The following MTUS2 variants were observed in gnomAD, a reference collection of about 807,000 sequenced individuals.
The protein encoded by MTUS2 is microtubule associated scaffold protein 2.
In MTUS2, 40 loss-of-function variants were observed where a neutral mutation model predicts 114.1. The ratio of observed to expected loss-of-function variants is 0.35; its 90% CI spans 0.27 to 0.46. The LOEUF (loss-of-function observed/expected upper bound fraction) is 0.46, where lower values mean the gene tolerates loss of function less well. Among genes scored for constraint, MTUS2 ranks in the 20% least tolerant of loss-of-function variants. The pLI is 1.00. For missense variants in MTUS2, 1,679 were observed against 1,705.4 expected (o/e 0.98, Z 0.27); for synonymous variants, 688 against 672.0 (o/e 1.02, Z -0.37).
chr13:29,489,460 AGTGACCAAGCTGGAG>A (rs1881898724), intron 11 of MTUS2, among the ~76,000 whole-genome samples: 1 of 152,204 alleles, frequency 6.6e-6, no homozygotes, highest in African/African-American at 2.4e-5. Context: ...ACTATTAGTA[AGTGACCAAGCTGGAG>A]GCAAGGGATG....
intron 4 of MTUS2, among the ~76,000 whole-genome samples, chr13:29,055,692 T>G (rs1888102310): frequency 6.6e-6 from 1 of 152,112 alleles, no homozygotes; most frequent in Non-Finnish European, 1.5e-5. Context: ...ATGTATTCCC[T>G]TTTCTCTGCA....
intron 2 of MTUS2, among the ~76,000 whole-genome samples, chr13:28,957,474 A>G (rs1220950227): frequency 6.6e-6 from 1 of 152,236 alleles, no homozygotes; most frequent in African/African-American, 2.4e-5. Flanking sequence ...GGAGGATTGC[A>G]TCTATATTGA....
intron 5 of MTUS2, among the ~76,000 whole-genome samples, chr13:29,113,108 T>C (rs1890947003): frequency 6.6e-6 from 1 of 152,142 alleles, no homozygotes; most frequent in Non-Finnish European, 1.5e-5. Context: ...CCAATTTTTT[T>C]CCCCATGCAT....
chr13:28,934,911 T>C (rs1881809405), intron 2 of MTUS2, among the ~76,000 whole-genome samples: 1 of 150,342 alleles, frequency 6.7e-6, no homozygotes, highest in African/African-American at 2.5e-5. Context: ...ACCATCCCCA[T>C]CAAGTTATAT....
chr13:29,095,513 T>A (rs1330534903), intron 4 of MTUS2, among the ~76,000 whole-genome samples: 1 of 152,066 alleles, frequency 6.6e-6, no homozygotes, highest in Admixed American at 6.6e-5. Flanking sequence ...TTTTCCTTGA[T>A]CTTCTGATGT....
chr13:29,491,614 A>AGT, intron 11 of MTUS2, among the ~76,000 whole-genome samples: 1 of 133,768 alleles, frequency 7.5e-6, no homozygotes, highest in East Asian at 2.4e-4. Flanking sequence ...TGTGGCATAT[A>AGT]GTGTGTGTAT....
intron 2 of MTUS2, among the ~76,000 whole-genome samples, chr13:28,872,953 A>G (rs1259799121): frequency 2.0e-5 from 3 of 152,216 alleles, no homozygotes; most frequent in Non-Finnish European, 2.9e-5. Flanking sequence ...CAAATACACA[A>G]TTCCTTCAAC....
At chr13:28,955,083 A>G (rs1044059873) in intron 2 of MTUS2, among the ~76,000 whole-genome samples, 5 of 152,182 alleles carry the variant, frequency 3.3e-5, no homozygotes, top group Admixed American at 6.5e-5. Flanking sequence ...GGTTATGTTT[A>G]TTGGCAGAGC....
chr13:29,091,643 A>G (rs1012311257), intron 4 of MTUS2, among the ~76,000 whole-genome samples: 3 of 152,190 alleles, frequency 2.0e-5, no homozygotes, highest in African/African-American at 4.8e-5. Context: ...TCACAGGGTA[A>G]TCTTTCCTTG....
chr13:29,296,638 C>G (rs1331708039), intron 6 of MTUS2, among the ~76,000 whole-genome samples: 1 of 152,046 alleles, frequency 6.6e-6, no homozygotes, highest in African/African-American at 2.4e-5. Context: ...TGATGATGAC[C>G]ATTTTAACTG....
intron 1 of MTUS2, 39 bp from the exon 2 acceptor site, chr13:28,839,735 ATCTT>A (rs1377045931): frequency 6.6e-6 from 1 of 152,130 alleles, no homozygotes; most frequent in African/African-American, 2.4e-5. Flanking sequence ...GCTTTCCTGA[ATCTT>A]TCTCCTTCTA....
At chr13:29,460,224 G>T (rs1879387819) in intron 9 of MTUS2, among the ~76,000 whole-genome samples, 1 of 152,118 alleles carries the variant, frequency 6.6e-6, no homozygotes, top group Non-Finnish European at 1.5e-5. Flanking sequence ...TTGACTTGAG[G>T]GTTATCAGGC....
chr13:29,271,405 C>A (rs1446962832), intron 5 of MTUS2, among the ~76,000 whole-genome samples: 2 of 152,352 alleles, frequency 1.3e-5, no homozygotes, highest in East Asian at 3.9e-4. Context: ...TCATGCACTT[C>A]CTTAATGCTG....
chr13:29,023,427 A>C (rs776366910), intron 2 of MTUS2, among the ~76,000 whole-genome samples: 1 of 152,232 alleles, frequency 6.6e-6, no homozygotes, highest in Non-Finnish European at 1.5e-5. Context: ...GACTTTTGCC[A>C]GTTTCTCTCT....
At chr13:28,979,316 G>T (rs1320927924) in intron 2 of MTUS2, among the ~76,000 whole-genome samples, 2 of 152,160 alleles carry the variant, frequency 1.3e-5, no homozygotes, top group African/African-American at 4.8e-5. Flanking sequence ...CCTAATTAGA[G>T]CTGCTCTATT....
At chr13:29,030,103 G>A (rs900484237) in intron 3 of MTUS2, among the ~76,000 whole-genome samples, 25 of 152,100 alleles carry the variant, frequency 1.6e-4, no homozygotes, top group African/African-American at 5.6e-4. Flanking sequence ...CTATATTTTC[G>A]TGTATATTTC....
chr13:28,918,433 T>A (rs1156346087), intron 2 of MTUS2, among the ~76,000 whole-genome samples: 1 of 152,074 alleles, frequency 6.6e-6, no homozygotes, highest in African/African-American at 2.4e-5. Context: ...CCTTTGTCTC[T>A]TCTTACAGTT....
In MTUS2 at chr13:29,025,829, C is replaced by T; in HGVS notation, c.1131C>T (p.Asn377=). 1 of 1,613,852 alleles carries T rather than the reference C, an allele frequency of 6.2e-7. No homozygotes were observed. Among genetic ancestry groups the T allele is most frequent in the Non-Finnish European group, 8.5e-7 (1 of 1,179,832 alleles). The change falls in exon 3 of 16, where the codon AAC becomes AAT. Residue 377 remains asparagine (N), a synonymous_variant. Transcript: ENST00000612955. The part of the protein sequence containing the change: ...DLHHLGVGRG[N]CEEKRGVNPG... Reference sequence around the variant, plus strand: ...ACCACCTTGGGGTGGGAAGAGGCAACTGTGAAGAGAAGAGAGGAGTCAACC... The same window carrying T: ...ACCACCTTGGGGTGGGAAGAGGCAATTGTGAAGAGAAGAGAGGAGTCAACC...
intron 2 of MTUS2, among the ~76,000 whole-genome samples, chr13:28,845,229 C>T (rs1049660320): frequency 6.6e-6 from 1 of 152,290 alleles, no homozygotes; most frequent in East Asian, 1.9e-4. Flanking sequence ...GGGTAACAGG[C>T]GTGAGCCACC....
Sources: gnomAD v4.1 joint callset for allele counts (sites outside exome capture counted in the v4.1 genomes callset) on GRCh38, gnomAD v4.1.1 for gene constraint, MANE v1.5 for transcripts, NCBI Gene and HGNC (gene_info 2026-07-23, HGNC 2026-07-21) for gene names.